CFAP47: variants seen among roughly 807,000 people sequenced by gnomAD.
CFAP47 encodes the protein cilia and flagella associated protein 47, also known as cilia- and flagella-associated protein 47.
CFAP47 carries 29 observed loss-of-function variants against 148.1 expected under a neutral mutation model. That is an observed-to-expected ratio of 0.20 (90% CI 0.15 to 0.27). The LOEUF (loss-of-function observed/expected upper bound fraction) is 0.27. CFAP47 is among the 10% of genes least tolerant of loss of function. CFAP47 has a pLI of 1.00. For missense variants in CFAP47, 1,872 were observed against 1,697.5 expected (o/e 1.10, Z -1.81); for synonymous variants, 664 against 577.3 (o/e 1.15, Z -2.15).
intron 15 of CFAP47, among the ~76,000 whole-genome samples, chrX:35,978,969 T>A (rs1025301892): frequency 9.0e-6 from 1 of 111,271 alleles, no homozygotes; most frequent in South Asian, 3.8e-4. Context: ...TAAGAGTGGA[T>A]TGATATTTTC....
chrX:36,010,775 G>A (rs1937031037), intron 21 of CFAP47, among the ~76,000 whole-genome samples: 1 of 111,666 alleles, frequency 9.0e-6, no homozygotes, highest in South Asian at 3.7e-4. Context: ...TTTATTGATT[G>A]TTATGATTTC....
At chrX:36,273,673 A>G (rs1331020039) in intron 49 of CFAP47, among the ~76,000 whole-genome samples, 1 of 111,535 alleles carries the variant, frequency 9.0e-6, no homozygotes, top group Non-Finnish European at 1.9e-5. Flanking sequence ...TAGCATGTAC[A>G]TATGTTGTGA....
At chrX:36,126,152 T>C (rs1212606528) in intron 33 of CFAP47, among the ~76,000 whole-genome samples, 2 of 109,625 alleles carry the variant, frequency 1.8e-5, no homozygotes, top group Non-Finnish European at 3.8e-5. Context: ...TTTTGTTACA[T>C]AGGTATACAC....
At chrX:36,226,492 A>G (rs1555991555) in intron 45 of CFAP47, among the ~76,000 whole-genome samples, 1 of 111,380 alleles carries the variant, frequency 9.0e-6, no homozygotes, top group Non-Finnish European at 1.9e-5. Flanking sequence ...TATCACCCCT[A>G]CTTATGTTTC....
intron 39 of CFAP47, among the ~76,000 whole-genome samples, chrX:36,177,026 A>T (rs1234822648): frequency 8.9e-6 from 1 of 112,683 alleles, no homozygotes; most frequent in African/African-American, 3.2e-5. Context: ...TATAGGTAGA[A>T]CTTTGGAAAT....
chrX:36,135,568 G>A (rs1266483143), intron 33 of CFAP47, among the ~76,000 whole-genome samples: 1 of 111,831 alleles, frequency 8.9e-6, no homozygotes, highest in Non-Finnish European at 1.9e-5. Flanking sequence ...TATTGATATT[G>A]TTTGATTCAA....
chrX:36,280,269 G>A (rs2146943872), intron 49 of CFAP47, among the ~76,000 whole-genome samples: 1 of 110,851 alleles, frequency 9.0e-6, no homozygotes, highest in East Asian at 2.8e-4. Flanking sequence ...CCATTTTAAT[G>A]GAGATTTTGA....
intron 7 of CFAP47, among the ~76,000 whole-genome samples, chrX:35,953,968 A>G (rs978065277): frequency 9.0e-6 from 1 of 110,942 alleles, no homozygotes; most frequent in Non-Finnish European, 1.9e-5. Flanking sequence ...GATAAACATG[A>G]TGATCTAGGG....
chrX:36,163,204 C>T (rs1376586735), intron 39 of CFAP47, among the ~76,000 whole-genome samples: 2 of 111,689 alleles, frequency 1.8e-5, no homozygotes, highest in Non-Finnish European at 3.8e-5. Context: ...CAGAGTATTC[C>T]CTTATAATCC....
At chrX:36,156,439 C>T (rs1405397021) in intron 37 of CFAP47, among the ~76,000 whole-genome samples, 1 of 111,007 alleles carries the variant, frequency 9.0e-6, no homozygotes, top group Non-Finnish European at 1.9e-5. Flanking sequence ...TTTATGACTA[C>T]ATTTAGCTAT....
intron 7 of CFAP47, among the ~76,000 whole-genome samples, chrX:35,954,836 G>C (rs191184682): frequency 9.0e-6 from 1 of 111,662 alleles, no homozygotes; most frequent in African/African-American, 3.2e-5. Context: ...CTGTTGGTCT[G>C]TCTCCCACAA....
chrX:36,349,398 G>T (rs1478480709), intron 58 of CFAP47, among the ~76,000 whole-genome samples: 1 of 111,006 alleles, frequency 9.0e-6, no homozygotes, highest in Non-Finnish European at 1.9e-5. Context: ...AAGTAGCCAA[G>T]ATTACAGGTG....
chrX:36,135,936 G>T (rs1037491344), intron 33 of CFAP47, among the ~76,000 whole-genome samples: 2 of 111,563 alleles, frequency 1.8e-5, no homozygotes, highest in Non-Finnish European at 3.8e-5. Context: ...TTATTTAATG[G>T]TAAAGAAATA....
chrX:36,039,000 C>T lies in CFAP47; in HGVS notation c.3828C>T (p.Tyr1276=). The change falls in exon 25 of 64, where the codon TAC becomes TAT. Residue 1276 remains tyrosine, a synonymous_variant. Coordinates refer to ENST00000378653, the MANE Select transcript of CFAP47 (RefSeq NM_001304548.2). ...ISFCPNRPGT[Y]TADIPMLLNY... is the part of the protein sequence containing the mutation. ...TTTCATTAGATCGTCCTGGGACATA[C>T]ACAGCAGATATTCCTATGCTTTTAA... The T allele has an allele frequency of 1.8e-6, 2 of 1,107,940 alleles. No individual in the cohort carries two copies. The highest frequency in any genetic ancestry group is 2.4e-6 in the Non-Finnish European group (2 of 832,305). The allele number at this position is 1,107,940 out of a possible 1,213,427, so 91.3% of individuals were successfully genotyped here. A position where few individuals can be genotyped will look rare whatever the true frequency, so the allele number is the denominator to read the frequency against.
At chrX:36,328,158 T>C (rs1446748168) in intron 57 of CFAP47, among the ~76,000 whole-genome samples, 1 of 111,976 alleles carries the variant, frequency 8.9e-6, no homozygotes, top group Non-Finnish European at 1.9e-5. Flanking sequence ...TCAATTCAAT[T>C]TGAATATAGT....
chrX:36,384,662 C>G, intron 63 of CFAP47, 135 bp from the exon 64 acceptor site: 1 of 446,297 alleles, frequency 2.2e-6, no homozygotes, highest in Non-Finnish European at 3.9e-6. Flanking sequence ...AATTGTCACT[C>G]TAAGTGGTTT....
At chrX:36,088,480 G>A (rs1471663549) in intron 30 of CFAP47, among the ~76,000 whole-genome samples, 1 of 110,773 alleles carries the variant, frequency 9.0e-6, no homozygotes, top group East Asian at 2.8e-4. Context: ...CTTTAAAGAA[G>A]AGGAAGAGAT....
chrX:36,046,275 T>A (rs1937464847), intron 25 of CFAP47, among the ~76,000 whole-genome samples: 1 of 110,471 alleles, frequency 9.1e-6, no homozygotes, highest in African/African-American at 3.3e-5. Context: ...GTGAATACTA[T>A]TAATACATAT....
chrX:36,207,787 A>G (rs781818863), intron 45 of CFAP47, among the ~76,000 whole-genome samples: 1 of 111,656 alleles, frequency 9.0e-6, no homozygotes, highest in Middle Eastern at 4.6e-3. Flanking sequence ...AAATTTATGG[A>G]CAGGCAGAGC....
Sources: allele counts gnomAD v4.1 joint callset (sites outside exome capture counted in the v4.1 genomes callset), GRCh38; gene constraint gnomAD v4.1.1; transcripts MANE v1.5; gene names NCBI Gene and HGNC (gene_info 2026-07-23, HGNC 2026-07-21).